The following POT1 variants were observed in gnomAD, a reference collection of about 807,000 sequenced individuals.
POT1 encodes protection of telomeres protein 1.
In POT1, 47 loss-of-function variants were observed where a neutral mutation model predicts 78.5. That is an observed-to-expected ratio of 0.60 (90% confidence interval 0.47 to 0.76). The LOEUF is 0.76. Among genes scored for constraint, POT1 ranks in the 30% least tolerant of loss-of-function variants. The pLI is 0.00. For synonymous variants in POT1, 259 were observed against 260.7 expected, an observed-to-expected ratio of 0.99 and a Z score of 0.06; for missense variants, 646 against 749.9, an observed-to-expected ratio of 0.86 and a Z score of 1.62.
intron 7 of POT1, among the ~76,000 whole-genome samples, chr7:124,864,272 A>AT (rs1025363987): frequency 2.6e-5 from 4 of 151,654 alleles, no homozygotes; most frequent in African/African-American, 7.3e-5. Context: ...TACTTTGCAC[A>AT]TTTTTTTTCC....
rs762686878 is a variant in POT1, at chr7:124,842,863, A to G, written c.1107T>C (p.Tyr369=). 7.4e-6 allele frequency: 12 copies of G among 1,610,932 alleles called. No homozygotes were observed. Among genetic ancestry groups the G allele is most frequent in the Admixed American group, 1.7e-5 (1 of 59,100 alleles). Residue 369 remains tyrosine (Y), a synonymous_variant, in exon 13 of 19, where the codon TAT becomes TAC. Transcript: ENST00000357628. ...CAGACTGAAATAGTCTTCTGGGCTT[A>G]TATGACCTCAATTTTGCTCGGATGC... ...QYRIRAKLRS[Y]KPRRLFQSVK... is the part of the protein sequence containing the mutation.
intron 3 of POT1, among the ~76,000 whole-genome samples, chr7:124,903,847 T>C (rs959040993): frequency 2.0e-5 from 3 of 152,132 alleles, no homozygotes; most frequent in African/African-American, 7.2e-5. Flanking sequence ...TCACCACTGA[T>C]TCCACAGAAA....
At chr7:124,849,251 A>G (rs1390393687) in intron 11 of POT1, among the ~76,000 whole-genome samples, 2 of 152,196 alleles carry the variant, frequency 1.3e-5, no homozygotes, top group Non-Finnish European at 2.9e-5. Flanking sequence ...CAGAAACCAT[A>G]AAAGTAGTCA....
chr7:124,926,045 G>C (rs1310660210), intron 2 of POT1, among the ~76,000 whole-genome samples: 2 of 152,060 alleles, frequency 1.3e-5, no homozygotes, highest in East Asian at 1.9e-4. Flanking sequence ...TATTGGTTTA[G>C]GCAAACAATT....
chr7:124,851,777 A>G, intron 11 of POT1, 95 bp downstream of exon 11: 1 of 892,134 alleles, frequency 1.1e-6, no homozygotes, highest in Non-Finnish European at 1.8e-6. Flanking sequence ...AATTATTAAT[A>G]AGAGAGACAA....
In POT1 at chr7:124,841,080, G is replaced by A. The variant is rs1413163992; in HGVS notation, c.1262C>T (p.Ser421Leu). ...VKLQNTSLYD[S>L]KIWTTKNQKG... ...TTGATTTTTAGTGGTCCAGATTTTTGAATCATATAATGATGTATTTTGTAG... is the reference window on the plus strand; with the variant it reads ...TTGATTTTTAGTGGTCCAGATTTTTAAATCATATAATGATGTATTTTGTAG... The change falls in exon 14 of 19, where the codon TCA becomes TTA. Residue 421 changes from serine (S) to leucine (L), a missense_variant. Ser to Leu is a moderately radical substitution (Grantham distance 145). Coordinates refer to ENST00000357628, the MANE Select transcript of POT1 (RefSeq NM_015450.3). 1.2e-6 allele frequency: 2 copies of A among 1,612,378 alleles called. No individual in the cohort carries two copies. The highest frequency in any genetic ancestry group is 1.3e-5 in the African/African-American group (1 of 74,910).
chr7:124,832,716 G>C (rs769744586), intron 15 of POT1, among the ~76,000 whole-genome samples: 10 of 151,898 alleles, frequency 6.6e-5, no homozygotes, highest in Admixed American at 1.3e-4. Context: ...TACTCGGCGG[G>C]GGGGTTGAGA....
At chr7:124,903,822 A>G (rs1347965044) in intron 3 of POT1, among the ~76,000 whole-genome samples, 2 of 152,232 alleles carry the variant, frequency 1.3e-5, no homozygotes, top group African/African-American at 2.4e-5. Context: ...GCAATAAAAA[A>G]TGATAAAGGG....
intron 3 of POT1, among the ~76,000 whole-genome samples, chr7:124,904,877 T>A (rs576099274): frequency 3.9e-4 from 59 of 152,220 alleles, no homozygotes; most frequent in Non-Finnish European, 6.9e-4. Flanking sequence ...AAATCATGAG[T>A]GAACTCCCAT....
intron 14 of POT1, among the ~76,000 whole-genome samples, chr7:124,837,422 T>C (rs1794924820): frequency 6.6e-6 from 1 of 151,776 alleles, no homozygotes; most frequent in African/African-American, 2.4e-5. Context: ...AAATATAGTG[T>C]TAATAATAAA....
intron 11 of POT1, chr7:124,848,732 T>C (rs1795233445): frequency 6.5e-6 from 1 of 153,834 alleles, no homozygotes. Flanking sequence ...CAAAGTAAAA[T>C]AGTTATTGGA....
At chr7:124,871,937 T>C (rs771001972) in intron 6 of POT1, among the ~76,000 whole-genome samples, 45 of 152,150 alleles carry the variant, frequency 3.0e-4, no homozygotes, top group Admixed American at 9.8e-4. Context: ...TTTTTCACTA[T>C]AGTCACTATG....
At chr7:124,872,855 C>T (rs1795903829) in intron 6 of POT1, among the ~76,000 whole-genome samples, 1 of 152,214 alleles carries the variant, frequency 6.6e-6, no homozygotes, top group African/African-American at 2.4e-5. Context: ...TTCACACCCT[C>T]TCGATACTAG....
chr7:124,834,375 A>G (rs1407012147), intron 15 of POT1, among the ~76,000 whole-genome samples: 1 of 152,086 alleles, frequency 6.6e-6, no homozygotes, highest in Non-Finnish European at 1.5e-5. Context: ...TAATATCTAG[A>G]CTCTACAAAG....
rs879897044 is a variant in POT1, at chr7:124,835,294, G to A, written c.1490C>T (p.Thr497Ile). ...AACAAAATACCCATAGTGATGTATT[G>A]TTCCTTGTATAAGAAATGGTGCTGA... ...DLSAPFLIQGTIHHYGCKQCS... is the reference protein window; with the variant it reads ...DLSAPFLIQGIIHHYGCKQCS... Residue 497 changes from threonine to isoleucine, a missense_variant, in exon 15 of 19, where the codon ACA (threonine) becomes ATA (isoleucine). Transcript: ENST00000357628. 1 of 1,613,904 alleles carries A rather than the reference G, an allele frequency of 6.2e-7. No homozygotes were observed. Among genetic ancestry groups the A allele is most frequent in the Non-Finnish European group, 8.5e-7 (1 of 1,179,908 alleles).
chr7:124,901,429 C>T (rs753465050), intron 3 of POT1, among the ~76,000 whole-genome samples: 52 of 152,144 alleles, frequency 3.4e-4, no homozygotes, highest in Middle Eastern at 3.4e-3. Context: ...GACCTGCAGC[C>T]GAGGGTCCTG....
In POT1 at chr7:124,827,223, G is replaced by A. The variant is rs988850329; in HGVS notation, c.1677C>T (p.Leu559=). 1 of 1,522,288 alleles carries A rather than the reference G, an allele frequency of 6.6e-7. No individual in the cohort carries two copies. The highest frequency in any genetic ancestry group is 1.4e-5 in the African/African-American group (1 of 72,224). The allele number at this position is 1,522,288 out of a possible 1,614,324, so 94.3% of individuals were successfully genotyped here. A position where few individuals can be genotyped will look rare whatever the true frequency, so the allele number is the denominator to read the frequency against. ...DDGTGVLEAY[L]MDSDKFFQIP... ...TACCTCTGATACTTACAGAATCCAT[G>A]AGATAGGCTTCTAGTACTCCTGTTC... is the stretch of plus-strand genomic sequence containing the variant. Residue 559 remains leucine (L), a synonymous_variant, in exon 17 of 19, where the codon CTC becomes CTT. Coordinates refer to ENST00000357628, the MANE Select transcript of POT1 (RefSeq NM_015450.3).
intron 17 of POT1, among the ~76,000 whole-genome samples, chr7:124,825,730 C>T (rs941238655): frequency 6.6e-6 from 1 of 151,966 alleles, no homozygotes; most frequent in Non-Finnish European, 1.5e-5. Flanking sequence ...TTTTCTCTTC[C>T]CTACTATGTT....
chr7:124,847,542 C>A lies in POT1; in HGVS notation c.950-544G>T, dbSNP rs1249100271. 2.0e-5 allele frequency among the ~76,000 whole-genome samples: 3 copies of A among 152,246 alleles called. No homozygotes were observed. The East Asian group carries it at 5.8e-4, about 29-fold the overall frequency. On this transcript the variant is annotated intron_variant, in intron 11 of 18. Coordinates refer to ENST00000357628, the MANE Select transcript of POT1 (RefSeq NM_015450.3). ...AGCAGAGGCTTTATTGTAGAGATTGCAAAGCAGATGCTATCACTTATGTGG... is the reference window on the plus strand; with the variant it reads ...AGCAGAGGCTTTATTGTAGAGATTGAAAAGCAGATGCTATCACTTATGTGG...
Sources: gnomAD v4.1 joint callset for allele counts (sites outside exome capture counted in the v4.1 genomes callset) on GRCh38, gnomAD v4.1.1 for gene constraint, MANE v1.5 for transcripts, NCBI Gene and HGNC (gene_info 2026-07-23, HGNC 2026-07-21) for gene names.